Variants in ATG7 observed in about 807,000 individuals in gnomAD.
ATG7 encodes the protein ubiquitin-like modifier-activating enzyme ATG7.
In ATG7, 70 loss-of-function variants were observed where a neutral mutation model predicts 82.4. The ratio of observed to expected loss-of-function variants is 0.85; its 90% CI spans 0.70 to 1.04. The LOEUF is 1.04. Ranked by LOEUF, ATG7 falls within the 50% of genes least tolerant of loss-of-function variation. The probability of loss-of-function intolerance (pLI) is 0.00; values close to 1 mark genes in which losing one functional copy is unlikely to be tolerated. For missense variants in ATG7, 792 were observed against 864.3 expected (o/e 0.92, Z 1.05); for synonymous variants, 287 against 313.0 (o/e 0.92, Z 0.88).
intron 20 of ATG7, among the ~76,000 whole-genome samples, chr3:11,434,287 C>T (rs2083171896): frequency 1.3e-5 from 2 of 152,194 alleles, no homozygotes; most frequent in African/African-American, 2.4e-5. Context: ...CTTTGGAGGC[C>T]AGCAGAAGCT....
the ATG7 span, among the ~76,000 whole-genome samples, chr3:11,565,763 G>A: frequency 6.6e-6 from 1 of 152,224 alleles, no homozygotes; most frequent in Admixed American, 6.5e-5. This position sits in a 1 kb window ranked among gnomAD's most constrained non-coding sequence, Gnocchi z 4.1. Flanking sequence ...AGGTGAGACA[G>A]TCAGCACCAC....
intron 5 of ATG7, among the ~76,000 whole-genome samples, chr3:11,302,081 A>C (rs967404404): frequency 5.3e-5 from 8 of 152,228 alleles, no homozygotes; most frequent in African/African-American, 1.9e-4. Flanking sequence ...GAATACCCTC[A>C]GTGTGCAAGG....
chr3:11,564,911 G>A, the ATG7 span: 1 of 1,601,628 alleles, frequency 6.2e-7, no homozygotes, highest in Non-Finnish European at 8.5e-7. Flanking sequence ...GGAGGGAGGT[G>A]TACAGGTGGC....
At chr3:11,527,626 GA>G (rs2092612762) in intron 20 of ATG7, among the ~76,000 whole-genome samples, 1 of 152,200 alleles carries the variant, frequency 6.6e-6, no homozygotes, top group African/African-American at 2.4e-5. Context: ...ATAGGCATGA[GA>G]GTTACAATGT....
At chr3:11,527,888 C>T (rs1393295940) in intron 20 of ATG7, among the ~76,000 whole-genome samples, 2 of 152,220 alleles carry the variant, frequency 1.3e-5, no homozygotes, top group African/African-American at 4.8e-5. Context: ...ATTTTCATTT[C>T]CTTGTTTGTG....
intron 20 of ATG7, among the ~76,000 whole-genome samples, chr3:11,432,657 A>G (rs1171695507): frequency 6.6e-6 from 1 of 152,172 alleles, no homozygotes; most frequent in Non-Finnish European, 1.5e-5. Flanking sequence ...AATAAAAAAA[A>G]AGAAGGGGAC....
intron 9 of ATG7, 33 bp from the exon 10 acceptor site, chr3:11,331,307 T>C: frequency 6.6e-7 from 1 of 1,511,900 alleles, no homozygotes; most frequent in Non-Finnish European, 9.2e-7. Context: ...GACATGATAC[T>C]CGACTTACTC....
Position 11,398,316 on chromosome 3 carries a change from C to A in ATG7, c.1956+18264C>A, listed in dbSNP as rs543378914. 1.5e-4 allele frequency among the ~76,000 whole-genome samples: 23 copies of A among 152,136 alleles called. No individual in the cohort carries two copies. The South Asian group carries it at 3.5e-3, about 23-fold the overall frequency. On this transcript the variant is annotated intron_variant, in intron 19 of 20. Transcript: ENST00000693202. The stretch of plus-strand genomic sequence containing the variant: ...ATAATATTTTACAAGAATTTGCTGG[C>A]ATAGACGGGATAATTAAACAAGTTT...
intron 19 of ATG7, among the ~76,000 whole-genome samples, chr3:11,417,808 T>C (rs1414894739): frequency 7.8e-5 from 2 of 25,512 alleles, no homozygotes; most frequent in East Asian, 3.8e-3. Context: ...TTATTTTATT[T>C]TATTTTATTT....
At chr3:11,541,664 G>A (rs942594673) in intron 20 of ATG7, among the ~76,000 whole-genome samples, 8 of 152,046 alleles carry the variant, frequency 5.3e-5, no homozygotes, top group African/African-American at 1.9e-4. Flanking sequence ...TATATCCTGC[G>A]TCCTCCCCAC....
intron 19 of ATG7, among the ~76,000 whole-genome samples, chr3:11,424,161 C>T (rs2082170690): frequency 6.6e-6 from 1 of 152,162 alleles, no homozygotes; most frequent in African/African-American, 2.4e-5. Flanking sequence ...TCATTCCTGC[C>T]CCTGGGGGAG....
intron 19 of ATG7, among the ~76,000 whole-genome samples, chr3:11,401,920 G>T (rs945888913): frequency 1.3e-5 from 2 of 152,148 alleles, no homozygotes; most frequent in South Asian, 2.1e-4. Flanking sequence ...GTTTTAATTG[G>T]ATTGGAAGCC....
In ATG7 at chr3:11,533,245, A is replaced by G. The variant is rs146353186; in HGVS notation, c.2080-21566A>G. On this transcript the variant is annotated intron_variant, in intron 20 of 20. Transcript: ENST00000693202. ...AAGCCCTCCTCTCCAGCTCCCTTTC[A>G]TCATCACCGTGAGTGTTCATTTAAA... is the stretch of plus-strand genomic sequence containing the variant. Among the ~76,000 whole-genome samples the G allele has an allele frequency of 3.3e-4, 50 of 152,280 alleles. No homozygotes were observed. In the East Asian group the frequency reaches 9.4e-3, roughly 29 times the overall value.
intron 20 of ATG7, among the ~76,000 whole-genome samples, chr3:11,475,267 T>C (rs1305349163): frequency 6.6e-6 from 1 of 152,088 alleles, no homozygotes; most frequent in Non-Finnish European, 1.5e-5. Flanking sequence ...TTATGTGCAT[T>C]CCCTCCTCAA....
At chr3:11,517,218 G>A (rs533722442) in intron 20 of ATG7, among the ~76,000 whole-genome samples, 2 of 152,220 alleles carry the variant, frequency 1.3e-5, no homozygotes, top group Admixed American at 1.3e-4. Context: ...GCGCATGCCT[G>A]TAATCCCAGC....
chr3:11,502,812 T>C (rs1382323439), intron 20 of ATG7, among the ~76,000 whole-genome samples: 1 of 152,060 alleles, frequency 6.6e-6, no homozygotes, highest in East Asian at 1.9e-4. Context: ...GGAGAGTTGG[T>C]TGAACTTCCT....
chr3:11,354,950 G>A (rs1453321865), intron 14 of ATG7, among the ~76,000 whole-genome samples: 3 of 152,244 alleles, frequency 2.0e-5, no homozygotes, highest in Admixed American at 1.3e-4. Flanking sequence ...GCCATAGCCC[G>A]TGAGAGCCCA....
downstream of ATG7, chr3:11,558,939 G>T (rs1559850543): frequency 1.5e-6 from 2 of 1,318,576 alleles, no homozygotes; most frequent in East Asian, 2.5e-5. Flanking sequence ...GCCACGGTCA[G>T]CGTGGGCTCT....
intron 9 of ATG7, among the ~76,000 whole-genome samples, chr3:11,322,447 A>C (rs945556896): frequency 1.3e-5 from 2 of 152,146 alleles, no homozygotes; most frequent in Admixed American, 6.5e-5. Context: ...CCAGCTATAT[A>C]TCTCTGTTTT....
Sources: allele counts gnomAD v4.1 joint callset (sites outside exome capture counted in the v4.1 genomes callset), GRCh38; gene constraint gnomAD v4.1.1; non-coding constraint Gnocchi (gnomAD v3.1); transcripts MANE v1.5; gene names NCBI Gene and HGNC (gene_info 2026-07-23, HGNC 2026-07-21).